Variants in NAA11 observed in about 807,000 individuals in gnomAD.
The protein encoded by NAA11 is N-alpha-acetyltransferase 11, NatA catalytic subunit, also known as N-alpha-acetyltransferase 11.
Under a neutral mutation model 16.1 loss-of-function variants are expected in NAA11, and 15 were observed. The ratio of observed to expected loss-of-function variants is 0.93; its 90% CI spans 0.62 to 1.44. The LOEUF (loss-of-function observed/expected upper bound fraction) is 1.44, where lower values mean the gene tolerates loss of function less well. Ranked by LOEUF, NAA11 falls within the 40% of genes most tolerant of loss-of-function variation. NAA11 has a pLI of 0.00. For missense variants in NAA11, 298 were observed against 291.3 expected (o/e 1.02, Z -0.17); for synonymous variants, 122 against 112.4 (o/e 1.09, Z -0.54).
chr4:79,171,213 C>T, the NAA11 span, among the ~76,000 whole-genome samples: 201 of 152,242 alleles, frequency 1.3e-3, no homozygotes, highest in African/African-American at 4.6e-3. Flanking sequence ...AAGGGCTCTG[C>T]CTTCATAAAT....
the NAA11 span, chr4:79,211,742 G>A: frequency 1.3e-5 from 2 of 152,166 alleles, no homozygotes; most frequent in African/African-American, 2.4e-5. Flanking sequence ...TGAAAGAGGC[G>A]AGGAAATTTC....
rs1395233612 is a variant in NAA11, at chr4:79,256,116, T to C, written c.*123-29846A>G. Among the ~76,000 whole-genome samples the C allele has an allele frequency of 3.7e-4, 56 of 152,194 alleles. 1 individual carries two copies. The highest frequency in any genetic ancestry group is 3.7e-3 in the Admixed American group (56 of 15,286). ...CTGCCTCCTACTTCAGTTGGGTTTT[T>C]AAAATTATCTTTCGATTTGTTTTTT... On this transcript the variant is annotated intron_variant and NMD_transcript_variant, in intron 2 of 2. Transcript: ENST00000511542.
intron 2 of NAA11, among the ~76,000 whole-genome samples, chr4:79,250,374 C>A (rs1015497666): frequency 6.6e-6 from 1 of 152,242 alleles, no homozygotes; most frequent in African/African-American, 2.4e-5. Flanking sequence ...GCTGGAATTC[C>A]AGCTGGCCAG....
the NAA11 span, among the ~76,000 whole-genome samples, chr4:79,158,939 A>G: frequency 6.6e-6 from 1 of 152,086 alleles, no homozygotes; most frequent in Non-Finnish European, 1.5e-5. Context: ...AGTCAACTCA[A>G]GATGGACAAA....
the NAA11 span, among the ~76,000 whole-genome samples, chr4:79,187,889 C>T: frequency 6.7e-6 from 1 of 150,116 alleles, no homozygotes; most frequent in Non-Finnish European, 1.5e-5. Flanking sequence ...GTCCCAGCTA[C>T]TCGGGAGGCT....
At chr4:79,314,073 C>A (rs942318114), downstream of NAA11, among the ~76,000 whole-genome samples, 1 of 151,894 alleles carries the variant, frequency 6.6e-6, no homozygotes, top group Non-Finnish European at 1.5e-5. Context: ...AAAGTAATGA[C>A]CAAAAAAGCC....
At chr4:79,307,657 C>T (rs915724431) in intron 1 of NAA11, among the ~76,000 whole-genome samples, 1 of 152,058 alleles carries the variant, frequency 6.6e-6, no homozygotes, top group African/African-American at 2.4e-5. Context: ...CCTGACAGAG[C>T]TGGGAGACAC....
the NAA11 span, chr4:79,211,855 T>G: frequency 6.6e-6 from 1 of 152,242 alleles, no homozygotes; most frequent in Non-Finnish European, 1.5e-5. Flanking sequence ...ATTGACCATC[T>G]TCTTATCACC....
chr4:79,271,916 G>A (rs923997835), intron 2 of NAA11, among the ~76,000 whole-genome samples: 62 of 151,792 alleles, frequency 4.1e-4, no homozygotes, highest in African/African-American at 1.1e-3. Flanking sequence ...ATCATTAAGC[G>A]TATGTAAAGT....
chr4:79,324,002 CAAA>C (rs35787469), intron 1 of NAA11, among the ~76,000 whole-genome samples: 21 of 118,136 alleles, frequency 1.8e-4, no homozygotes, highest in Admixed American at 5.1e-4. Flanking sequence ...GACTCTGTCT[CAAA>C]AAAAAAAAAA....
chr4:79,321,090 C>T (rs959706917), intron 1 of NAA11, among the ~76,000 whole-genome samples: 1 of 152,146 alleles, frequency 6.6e-6, no homozygotes, highest in African/African-American at 2.4e-5. Context: ...CCATAGTTTT[C>T]CACGCCCAAG....
chr4:79,240,529 G>C (rs1721668787), intron 2 of NAA11, among the ~76,000 whole-genome samples: 1 of 152,068 alleles, frequency 6.6e-6, no homozygotes, highest in African/African-American at 2.4e-5. Flanking sequence ...CAGAATTTTT[G>C]CTTCCTGTCC....
At chr4:79,293,467 C>G (rs1723137059) in intron 2 of NAA11, among the ~76,000 whole-genome samples, 1 of 152,156 alleles carries the variant, frequency 6.6e-6, no homozygotes, top group Non-Finnish European at 1.5e-5. Flanking sequence ...TTACCTATAT[C>G]AAGTCAATTA....
At chr4:79,217,323 A>G in the NAA11 span, among the ~76,000 whole-genome samples, 1,167 of 152,300 alleles carry the variant, frequency 7.7e-3, 17 homozygotes, top group African/African-American at 0.027. Context: ...ACTCTAGATG[A>G]AAAGCTGTGA....
the NAA11 span, among the ~76,000 whole-genome samples, chr4:79,158,735 C>T: frequency 1.8e-5 from 2 of 111,624 alleles, no homozygotes; most frequent in African/African-American, 5.6e-5. Context: ...CTATAGTCAC[C>T]AAAACAGCAT....
chr4:79,192,421 T>G, the NAA11 span, among the ~76,000 whole-genome samples: 1 of 133,232 alleles, frequency 7.5e-6, no homozygotes, highest in Non-Finnish European at 1.6e-5. Context: ...ATGTTCCCCT[T>G]CCTGTGTCCA....
intron 1 of NAA11, among the ~76,000 whole-genome samples, chr4:79,318,636 C>T (rs540013415): frequency 1.4e-4 from 22 of 152,204 alleles, no homozygotes; most frequent in African/African-American, 5.1e-4. Context: ...AGAGGTAATA[C>T]TATGTAAAAT....
the NAA11 span, among the ~76,000 whole-genome samples, chr4:79,187,924 G>A: frequency 3.3e-3 from 489 of 145,976 alleles, 6 homozygotes; most frequent in Non-Finnish European, 5.0e-3. Context: ...GCGGGAACCC[G>A]GGAGGCGGAG....
intron 2 of NAA11, among the ~76,000 whole-genome samples, chr4:79,259,282 T>C (rs1337896009): frequency 2.0e-5 from 3 of 152,190 alleles, no homozygotes; most frequent in Non-Finnish European, 4.4e-5. Flanking sequence ...CTCTCTCTTT[T>C]GGACCCTGCA....
Sources: allele counts gnomAD v4.1 joint callset (sites outside exome capture counted in the v4.1 genomes callset), GRCh38; gene constraint gnomAD v4.1.1; transcripts MANE v1.5; gene names NCBI Gene and HGNC (gene_info 2026-07-23, HGNC 2026-07-21).